MAPK6: variants seen among roughly 807,000 people sequenced by gnomAD.
MAPK6 encodes ERK-3.
In MAPK6, 19 loss-of-function variants were observed where a neutral mutation model predicts 59.3. That is an observed-to-expected ratio of 0.32 (90% confidence interval 0.22 to 0.47). The LOEUF (loss-of-function observed/expected upper bound fraction) is 0.47, where lower values mean the gene tolerates loss of function less well. Ranked by LOEUF, MAPK6 falls within the 20% of genes least tolerant of loss-of-function variation. The pLI is 1.00. For synonymous variants in MAPK6, 316 were observed against 290.3 expected (o/e 1.09, Z -0.90); for missense variants, 724 against 847.9 (o/e 0.85, Z 1.81).
intron 1 of MAPK6, among the ~76,000 whole-genome samples, chr15:51,980,388 T>C (rs2057169633): frequency 6.6e-6 from 1 of 151,086 alleles, no homozygotes; most frequent in East Asian, 1.9e-4. Context: ...TTCATTTTAA[T>C]ATTTTCTAGG....
chr15:52,056,001 G>A (rs368758225), intron 3 of MAPK6, among the ~76,000 whole-genome samples: 13 of 152,284 alleles, frequency 8.5e-5, no homozygotes, highest in African/African-American at 3.1e-4. Flanking sequence ...GTTGCCAGGT[G>A]CTTTATTGAT....
intron 2 of MAPK6, among the ~76,000 whole-genome samples, chr15:51,989,866 A>T (rs950120327): frequency 6.6e-6 from 1 of 152,230 alleles, no homozygotes; most frequent in African/African-American, 2.4e-5. Context: ...AGCTTCCTGA[A>T]TTGGTGGGAT....
intron 1 of MAPK6, among the ~76,000 whole-genome samples, chr15:52,035,321 C>T (rs933739810): frequency 2.6e-5 from 4 of 152,160 alleles, no homozygotes; most frequent in African/African-American, 9.7e-5. Flanking sequence ...TTCTGCCTTG[C>T]CCTCAGACTT....
chr15:52,063,358 C>G (rs2032280450), intron 5 of MAPK6, among the ~76,000 whole-genome samples: 1 of 152,254 alleles, frequency 6.6e-6, no homozygotes, highest in East Asian at 1.9e-4. Flanking sequence ...GCCACTGCAC[C>G]TGACCTGCAT....
At chr15:52,059,373 C>T (rs977023073) in intron 4 of MAPK6, among the ~76,000 whole-genome samples, 9 of 152,212 alleles carry the variant, frequency 5.9e-5, no homozygotes, top group African/African-American at 2.2e-4. Context: ...AGCAGCCTTT[C>T]TGCCTCAGCC....
In MAPK6 at chr15:52,012,573, T is replaced by C. The variant is rs1000762042; in HGVS notation, c.-632+8171T>C. ...TACTTTATTGCAGTCAAATGTCATC[T>C]TTTTAAAAAGATTCTTTGCAACCTA... On this transcript the variant is annotated intron_variant, in intron 3 of 7. Transcript: ENST00000691380. Among the ~76,000 whole-genome samples the C allele has an allele frequency of 4.9e-4, 75 of 152,334 alleles. 1 individual carries two copies. The highest frequency in any genetic ancestry group is 3.4e-3 in the Middle Eastern group (1 of 294).
At chr15:52,039,450 T>C (rs577838331) in intron 1 of MAPK6, among the ~76,000 whole-genome samples, 1 of 151,796 alleles carries the variant, frequency 6.6e-6, no homozygotes, top group South Asian at 2.1e-4. Context: ...AAAATGCATG[T>C]AGGCAAGGGC....
intron 1 of MAPK6, among the ~76,000 whole-genome samples, chr15:52,035,014 C>T (rs1005203483): frequency 3.3e-5 from 5 of 152,318 alleles, no homozygotes; most frequent in African/African-American, 1.2e-4. Context: ...GTTATCTCTT[C>T]ATATGCTCCT....
intron 1 of MAPK6, among the ~76,000 whole-genome samples, chr15:52,037,460 C>T (rs114396215): frequency 2.0e-5 from 3 of 152,176 alleles, no homozygotes; most frequent in African/African-American, 7.2e-5. Context: ...TTCATTATAC[C>T]TTCTTTGGTA....
chr15:52,046,618 T>C lies in MAPK6; in HGVS notation c.158T>C (p.Leu53Pro). ...AGAGTAGCCATCAAGAAAATTGTCC[T>C]TACTGATCCCCAGAGTGTCAAACAT... is the stretch of plus-strand genomic sequence containing the variant. ...DKRVAIKKIV[L>P]TDPQSVKHAL... Residue 53 changes from leucine (L) to proline (P), a missense_variant, in exon 2 of 6, where the codon CTT (leucine) becomes CCT (proline). Physicochemically the swap from Leu to Pro is moderately conservative, Grantham distance 98. This residue lies in a region of MAPK6 where 87 missense variants were observed against 93.0 expected (regional missense o/e 0.93). Coordinates refer to ENST00000261845, the MANE Select transcript of MAPK6 (RefSeq NM_002748.4). The C allele has an allele frequency of 6.2e-7, 1 of 1,614,232 alleles. No individual in the cohort carries two copies. The highest frequency in any genetic ancestry group is 8.5e-7 in the Non-Finnish European group (1 of 1,180,030).
At chr15:51,971,841 G>T (rs2057127605) in exon 1 of MAPK6, 1 of 1,323,228 alleles carries the variant, frequency 7.6e-7, no homozygotes, top group Non-Finnish European at 1.1e-6. Context: ...GCAAAGATTC[G>T]CCGAAGACAC....
At chr15:52,016,499 T>TA (rs34100783), upstream of MAPK6, among the ~76,000 whole-genome samples, 34 of 152,164 alleles carry the variant, frequency 2.2e-4, 1 homozygote, top group Non-Finnish European at 7.4e-5. Flanking sequence ...AACTCTTGCC[T>TA]AAAAAGGTGG....
At chr15:52,050,878 A>G (rs913055444) in intron 3 of MAPK6, among the ~76,000 whole-genome samples, 2 of 141,440 alleles carry the variant, frequency 1.4e-5, no homozygotes, top group East Asian at 2.3e-4. Flanking sequence ...AATAATAAAC[A>G]TATTTATGAC....
chr15:52,012,592 C>T (rs1173324899), intron 3 of MAPK6, among the ~76,000 whole-genome samples: 1 of 152,126 alleles, frequency 6.6e-6, no homozygotes, highest in Non-Finnish European at 1.5e-5. Flanking sequence ...AGATTCTTTG[C>T]AACCTATGGA....
intron 3 of MAPK6, among the ~76,000 whole-genome samples, chr15:52,051,781 C>T (rs902765020): frequency 6.6e-5 from 10 of 150,552 alleles, no homozygotes; most frequent in East Asian, 3.9e-4. Context: ...GGCTGAGGCA[C>T]GATAATCGCT....
intron 5 of MAPK6, among the ~76,000 whole-genome samples, chr15:52,063,401 CTT>C (rs758793683): frequency 2.0e-5 from 3 of 152,162 alleles, no homozygotes; most frequent in Non-Finnish European, 4.4e-5. Context: ...TATCTAATCT[CTT>C]TTCTTTTCCC....
At chr15:52,000,408 T>C (rs1487167786) in intron 2 of MAPK6, among the ~76,000 whole-genome samples, 2 of 152,258 alleles carry the variant, frequency 1.3e-5, no homozygotes, top group Admixed American at 1.3e-4. Flanking sequence ...GCTCTTGCAT[T>C]GACCCATTTT....
intron 2 of MAPK6, among the ~76,000 whole-genome samples, chr15:52,003,138 G>A (rs1412305953): frequency 6.6e-6 from 1 of 151,934 alleles, no homozygotes; most frequent in African/African-American, 2.4e-5. Context: ...AGTGAGCTGA[G>A]ATTGCACCAT....
chr15:51,974,434 A>C (rs2057151294), intron 1 of MAPK6, among the ~76,000 whole-genome samples: 2 of 151,310 alleles, frequency 1.3e-5, no homozygotes, highest in African/African-American at 4.8e-5. Flanking sequence ...AGGCAGGTGG[A>C]TCACAAGGTC....
Sources: allele counts gnomAD v4.1 joint callset (sites outside exome capture counted in the v4.1 genomes callset), GRCh38; gene constraint gnomAD v4.1.1; regional missense constraint gnomAD v4.1.1; transcripts MANE v1.5; gene names NCBI Gene and HGNC (gene_info 2026-07-23, HGNC 2026-07-21).